PRAMEF27: variants seen among roughly 807,000 people sequenced by gnomAD.
PRAMEF27 encodes PRAME family member 27.
A neutral mutation model predicts 21.0 loss-of-function variants in PRAMEF27; 5 were observed. The observed-to-expected ratio is 0.24, with a 90% CI of 0.12 to 0.50. The LOEUF (loss-of-function observed/expected upper bound fraction) is 0.50, where lower values mean the gene tolerates loss of function less well. Among genes scored for constraint, PRAMEF27 ranks in the 20% least tolerant of loss-of-function variants. The pLI is 0.98. For synonymous variants in PRAMEF27, 61 were observed against 211.2 expected, an observed-to-expected ratio of 0.29 and a Z score of 6.17; for missense variants, 138 against 541.4, an observed-to-expected ratio of 0.25 and a Z score of 7.39.
rs1403108566 is a variant in PRAMEF27 at position 13,049,758 on chromosome 1, C to G, written c.*50G>C. 8 of 1,266,334 alleles carry G rather than the reference C, an allele frequency of 6.3e-6. 1 individual carries two copies. The highest frequency in any genetic ancestry group is 5.6e-5 in the East Asian group (2 of 35,960). 78.4% of individuals were successfully genotyped at this position (1,266,334 alleles called of 1,614,324 possible). On this transcript the variant is annotated 3_prime_UTR_variant, in exon 4 of 4. Coordinates refer to ENST00000436041, the MANE Select transcript of PRAMEF27 (RefSeq NM_001300891.2). Reference sequence around the variant, plus strand: ...TACCTAAGACCTAGGTTTTAGTTTCCAAGTGTCCAGAAGAAAGCGTTTGAC... The same window carrying G: ...TACCTAAGACCTAGGTTTTAGTTTCGAAGTGTCCAGAAGAAAGCGTTTGAC...
At chr1:13,056,006 A>T (rs1193756883) in intron 1 of PRAMEF27, 1 of 120,570 alleles carries the variant, frequency 8.3e-6, no homozygotes, top group Non-Finnish European at 1.6e-5. Flanking sequence ...CAGGGAGTTG[A>T]GATCGTGCCA....
intron 1 of PRAMEF27, chr1:13,055,902 A>C (rs1457658858): frequency 1.6e-4 from 21 of 134,328 alleles, no homozygotes; most frequent in African/African-American, 2.5e-4. Context: ...AAATACAAAA[A>C]TTAGCCAGGC....
At chr1:13,053,713 C>G (rs1283307052) in intron 1 of PRAMEF27, 38 bp from the exon 2 acceptor site, 3 of 1,579,330 alleles carry the variant, frequency 1.9e-6, no homozygotes, top group East Asian at 2.3e-5. Context: ...GCATCACTCT[C>G]AGGCCAAGCC....
chr1:13,056,127 C>A (rs1247547669), intron 1 of PRAMEF27: 7 of 117,126 alleles, frequency 6.0e-5, no homozygotes, highest in Non-Finnish European at 6.3e-5. Flanking sequence ...AACCCCTGGG[C>A]TGAAATGATC....
rs1642184718 is a variant in PRAMEF27 at position 13,049,965 on chromosome 1, G to C, written c.1280C>G (p.Thr427Ser). The change falls in exon 4 of 4, where the codon ACT becomes AGT. Residue 427 changes from threonine to serine, a missense_variant. By Grantham distance (58) the Thr-to-Ser change is moderately conservative. Coordinates refer to ENST00000436041, the MANE Select transcript of PRAMEF27 (RefSeq NM_001300891.2). ...TTGAGCAAATCTGTTCCAGCAGAGA[G>C]TACCATCAGCACCATAACTCTCCCG... is the stretch of plus-strand genomic sequence containing the variant. The part of the protein sequence containing the change: ...APRESYGADG[T>S]LCWNRFAQIR... The C allele has an allele frequency of 1.4e-5, 20 of 1,424,422 alleles. 3 individuals carry two copies. The highest frequency in any genetic ancestry group is 6.9e-5 in the African/African-American group (2 of 28,826). 88.2% of individuals were successfully genotyped at this position (1,424,422 alleles called of 1,614,324 possible).
chr1:13,051,447 G>GA (rs1642203087), intron 3 of PRAMEF27: 3 of 110,110 alleles, frequency 2.7e-5, no homozygotes, highest in Non-Finnish European at 5.1e-5. Context: ...GGCCAACATG[G>GA]TGAAACCCTG....
At chr1:13,051,192 T>C in intron 3 of PRAMEF27, 1 of 153,422 alleles carries the variant, frequency 6.5e-6, no homozygotes, top group South Asian at 2.0e-4. Context: ...AAAACACTTT[T>C]ACAACAGGGA....
chr1:13,052,012 C>G lies in PRAMEF27; in HGVS notation c.875+106G>C. The G allele has an allele frequency of 4.0e-6, 6 of 1,499,746 alleles. 1 individual carries two copies. Among genetic ancestry groups the G allele is most frequent in the South Asian group, 2.5e-5 (2 of 80,690 alleles). 92.9% of individuals were successfully genotyped at this position (1,499,746 alleles called of 1,614,324 possible). On this transcript the variant is annotated intron_variant, in intron 3 of 3. Coordinates refer to ENST00000436041, the MANE Select transcript of PRAMEF27 (RefSeq NM_001300891.2). Reference sequence around the variant, plus strand: ...CAATGTATGGACATTCTAGTGTCCCCTTCACTGTTACATCCTCATAGGCTG... The same window carrying G: ...CAATGTATGGACATTCTAGTGTCCCGTTCACTGTTACATCCTCATAGGCTG...
At position 13,053,554 on chromosome 1, in the gene PRAMEF27, C is replaced by A. The variant is rs1482667252; in HGVS notation, c.106G>T (p.Glu36Ter). The A allele has an allele frequency of 7.8e-4, 1,226 of 1,570,190 alleles. 66 individuals are homozygous for A. Among genetic ancestry groups the A allele is most frequent in the Non-Finnish European group, 8.8e-4 (1,034 of 1,169,840 alleles). ...TCCATGAACAGTGGGGGGAAAAGTT[C>A]TGTGGGCAGCTCCTCCAGGGTGGAC... ...AMSTLEELPT[E>*]LFPPLFMEAF... Residue 36 changes from glutamate to a stop codon, truncating the protein, a stop_gained, in exon 2 of 4, where the codon GAA (glutamate) becomes TAA (stop). Coordinates refer to ENST00000436041, the MANE Select transcript of PRAMEF27 (RefSeq NM_001300891.2). LOFTEE classifies it high-confidence loss of function.
rs1378033341 is a variant in PRAMEF27, at chr1:13,056,467, A to T, written c.-70T>A. On this transcript the variant is annotated 5_prime_UTR_variant, in exon 1 of 4. Transcript: ENST00000436041. ...CAGACCTCAGGAAGAACCAGGCAGG[A>T]ACTCCAGGCTTGAAGACTTTGGGTC... The T allele has an allele frequency of 2.3e-5, 3 of 128,254 alleles. No homozygotes were observed. Among genetic ancestry groups the T allele is most frequent in the Non-Finnish European group, 4.6e-5 (3 of 65,414 alleles). 7.9% of individuals were successfully genotyped at this position (128,254 alleles called of 1,614,324 possible). A position where few individuals can be genotyped will look rare whatever the true frequency, so the allele number is the denominator to read the frequency against.
Position 13,056,514 on chromosome 1 carries a change from C to T in PRAMEF27, c.-117G>A, listed in dbSNP as rs1208943937. 7.8e-6 allele frequency: 1 copy of T among 127,392 alleles called. No individual in the cohort carries two copies. Among genetic ancestry groups the T allele is most frequent in the African/African-American group, 4.2e-5 (1 of 23,548 alleles). 7.9% of individuals were successfully genotyped at this position (127,392 alleles called of 1,614,324 possible). ...GGTCTCTCCTGTGGGTCTTTAGAAGCTTTTATTGACCTTTCTAATCACAAC... is the reference window on the plus strand; with the variant it reads ...GGTCTCTCCTGTGGGTCTTTAGAAGTTTTTATTGACCTTTCTAATCACAAC... On this transcript the variant is annotated 5_prime_UTR_variant, in exon 1 of 4. Transcript: ENST00000436041.
chr1:13,056,272 A>T (rs1642246037), intron 1 of PRAMEF27, 142 bp downstream of exon 1: 1 of 118,674 alleles, frequency 8.4e-6, no homozygotes, highest in Admixed American at 7.5e-5. Context: ...AGAGGAAAAA[A>T]TTCAAAGCTT....
intron 3 of PRAMEF27, 88 bp downstream of exon 3, chr1:13,052,030 A>G: frequency 6.6e-7 from 1 of 1,512,506 alleles, no homozygotes; most frequent in Non-Finnish European, 8.8e-7. Context: ...TTACATCCTC[A>G]TAGGCTGGCT....
chr1:13,053,589 G>T lies in PRAMEF27; in HGVS notation c.71C>A (p.Ala24Asp). 6.3e-7 allele frequency: 1 copy of T among 1,593,132 alleles called. No individual in the cohort carries two copies. The highest frequency in any genetic ancestry group is 8.5e-7 in the Non-Finnish European group (1 of 1,178,486). ...CTCCTCCAGGGTGGACATGGCCAAGGCTTGGTCCCTCAGCAGGCTCCGCCC... is the reference window on the plus strand; with the variant it reads ...CTCCTCCAGGGTGGACATGGCCAAGTCTTGGTCCCTCAGCAGGCTCCGCCC... ...LAGRSLLRDQALAMSTLEELP... is the reference protein window; with the variant it reads ...LAGRSLLRDQDLAMSTLEELP... The change falls in exon 2 of 4, where the codon GCC becomes GAC. Residue 24 changes from alanine (A) to aspartate (D), a missense_variant. Transcript: ENST00000436041.
chr1:13,051,901 C>G (rs1642208467), intron 3 of PRAMEF27: 1 of 632,564 alleles, frequency 1.6e-6, no homozygotes. Context: ...ATGACAACCT[C>G]TCTATAGCAT....
intron 3 of PRAMEF27, 170 bp from the exon 4 acceptor site, chr1:13,050,539 C>G (rs1183574928): frequency 2.1e-5 from 22 of 1,051,366 alleles, no homozygotes; most frequent in Non-Finnish European, 2.8e-5. Context: ...GCTTTGCCAC[C>G]GAGGTCAATT....
In PRAMEF27 at chr1:13,049,880, G is replaced by T; in HGVS notation, c.1365C>A (p.Phe455Leu). ...RDLRHPKRIF[F>L]CIDNCPDCGN... ...CACAGTCAGGGCAGTTATCAATACA[G>T]AAAAAGATCCTCTTGGGGTGCCTTA... Residue 455 changes from phenylalanine to leucine, a missense_variant, in exon 4 of 4, where the codon TTC becomes TTA. Coordinates refer to ENST00000436041, the MANE Select transcript of PRAMEF27 (RefSeq NM_001300891.2). The T allele has an allele frequency of 7.1e-7, 1 of 1,417,258 alleles. No homozygotes were observed. The highest frequency in any genetic ancestry group is 9.3e-7 in the Non-Finnish European group (1 of 1,080,570). 87.8% of individuals were successfully genotyped at this position (1,417,258 alleles called of 1,614,324 possible). A position where few individuals can be genotyped will look rare whatever the true frequency, so the allele number is the denominator to read the frequency against.
intron 3 of PRAMEF27, chr1:13,051,896 A>C (rs1468412132): frequency 1.3e-5 from 8 of 614,784 alleles, no homozygotes; most frequent in East Asian, 6.3e-5. Context: ...CTAGTATGAC[A>C]ACCTCTCTAT....
chr1:13,053,691 C>A lies in PRAMEF27; in HGVS notation c.-16-16G>T. 6.3e-7 allele frequency: 1 copy of A among 1,589,468 alleles called. No individual in the cohort carries two copies. The highest frequency in any genetic ancestry group is 2.3e-5 in the East Asian group (1 of 44,346). ...GCAGGGAAAACTTCCAGAGGACAAA[C>A]CCAGAGAAAAGGCATCACTCTCAGG... On this transcript the variant is annotated splice_polypyrimidine_tract_variant and intron_variant, in intron 1 of 3. Coordinates refer to ENST00000436041, the MANE Select transcript of PRAMEF27 (RefSeq NM_001300891.2).
Sources: allele counts gnomAD v4.1 joint callset, GRCh38; gene constraint gnomAD v4.1.1; transcripts MANE v1.5; gene names NCBI Gene and HGNC (gene_info 2026-07-23, HGNC 2026-07-21).